The following ITGBL1 variants were observed in gnomAD, a reference collection of about 807,000 sequenced individuals.
The protein encoded by ITGBL1 is integrin beta-like protein 1.
A neutral mutation model predicts 68.5 loss-of-function variants in ITGBL1; 51 were observed. The ratio of observed to expected loss-of-function variants is 0.74; its 90% CI spans 0.59 to 0.94. The LOEUF is 0.94. ITGBL1 is among the 40% of genes least tolerant of loss of function. The pLI, the probability that ITGBL1 is intolerant of heterozygous loss-of-function variation, is 0.00. For missense variants in ITGBL1, 649 were observed against 647.4 expected (o/e 1.00, Z -0.03); for synonymous variants, 209 against 227.3 (o/e 0.92, Z 0.72).
chr13:101,714,642 C>A, intron 10 of ITGBL1, 91 bp downstream of exon 10: 2 of 785,710 alleles, frequency 2.5e-6, no homozygotes, highest in Non-Finnish European at 4.5e-6. Context: ...GTGGCTGGAC[C>A]AACAGGGCCA....
At chr13:101,653,193 A>G (rs114804111) in intron 7 of ITGBL1, among the ~76,000 whole-genome samples, 2,962 of 150,306 alleles carry the variant, frequency 0.02, 98 homozygotes, top group African/African-American at 0.068. Flanking sequence ...GAGGAGGAGG[A>G]GGAGGGGAGG....
intron 2 of ITGBL1, among the ~76,000 whole-genome samples, chr13:101,547,921 A>G (rs904835508): frequency 1.3e-4 from 20 of 149,496 alleles, no homozygotes; most frequent in African/African-American, 2.0e-4. Flanking sequence ...ATATATATAT[A>G]TGTGTATATA....
intron 7 of ITGBL1, among the ~76,000 whole-genome samples, chr13:101,621,465 T>C (rs1306903851): frequency 6.6e-6 from 1 of 152,130 alleles, no homozygotes; most frequent in Non-Finnish European, 1.5e-5. Context: ...AGCTCAACTT[T>C]TATTATAGAA....
chr13:101,604,887 T>TATATACACACATACATACAC, intron 7 of ITGBL1, among the ~76,000 whole-genome samples: 2 of 22,164 alleles, frequency 9.0e-5, no homozygotes, highest in African/African-American at 3.0e-4. Flanking sequence ...TATATATATA[T>TATATACACACATACATACAC]ACACACACAC....
At chr13:101,564,163 A>G (rs968001953) in intron 2 of ITGBL1, among the ~76,000 whole-genome samples, 1 of 151,980 alleles carries the variant, frequency 6.6e-6, no homozygotes, top group Non-Finnish European at 1.5e-5. Context: ...TATATAGAAA[A>G]TCAAAGGAAC....
rs562499514 is a variant in ITGBL1 at position 101,545,974 on chromosome 13, A to G, written c.317-21725A>G. Among the ~76,000 whole-genome samples the G allele has an allele frequency of 6.6e-5, 10 of 152,344 alleles. No individual in the cohort carries two copies. The South Asian group carries it at 2.1e-3, about 32-fold the overall frequency. On this transcript the variant is annotated intron_variant, in intron 2 of 10. Transcript: ENST00000376180. ...GAATAATTTTTTAAAATAATCATACAATGAACTATATCAAGGTGAAAAAGA... is the reference window on the plus strand; with the variant it reads ...GAATAATTTTTTAAAATAATCATACGATGAACTATATCAAGGTGAAAAAGA...
At chr13:101,693,570 T>G (rs2033929605) in intron 8 of ITGBL1, among the ~76,000 whole-genome samples, 1 of 151,658 alleles carries the variant, frequency 6.6e-6, no homozygotes, top group Non-Finnish European at 1.5e-5. Context: ...GGTAGTAGAG[T>G]GTGTGTCTTA....
Position 101,569,128 on chromosome 13 carries a change from G to A in ITGBL1, c.463+1283G>A, listed in dbSNP as rs553362163. Among the ~76,000 whole-genome samples, 19 of 147,632 alleles carry A rather than the reference G, an allele frequency of 1.3e-4. No homozygotes were observed. The Middle Eastern group carries it at 0.018, about 137-fold the overall frequency. On this transcript the variant is annotated intron_variant, in intron 3 of 10. Transcript: ENST00000376180. ...TCCATACACACACACACACGCGCAC[G>A]CGCGCGCATGCCCCATAGCGTCTTT...
intron 2 of ITGBL1, among the ~76,000 whole-genome samples, chr13:101,522,532 G>A (rs567469110): frequency 1.3e-5 from 2 of 152,272 alleles, no homozygotes; most frequent in South Asian, 4.1e-4. Context: ...AGATAAACAT[G>A]AACTGCTTTG....
chr13:101,602,319 C>G (rs2030433804), intron 7 of ITGBL1, among the ~76,000 whole-genome samples: 1 of 151,984 alleles, frequency 6.6e-6, no homozygotes, highest in African/African-American at 2.4e-5. Context: ...TTCTTGGTAT[C>G]AGATCAGTAC....
intron 8 of ITGBL1, among the ~76,000 whole-genome samples, chr13:101,695,733 G>C (rs2033986731): frequency 6.6e-6 from 1 of 152,186 alleles, no homozygotes; most frequent in African/African-American, 2.4e-5. Context: ...CCTTCACCCT[G>C]CTGCAAGAGA....
At position 101,683,801 on chromosome 13, in the gene ITGBL1, G is replaced by A. The variant is rs367893718; in HGVS notation, c.1016-8784G>A. Among the ~76,000 whole-genome samples, 18 of 152,004 alleles carry A rather than the reference G, an allele frequency of 1.2e-4. No homozygotes were observed. The East Asian group carries it at 3.5e-3, about 29-fold the overall frequency. On this transcript the variant is annotated intron_variant, in intron 7 of 10. Transcript: ENST00000376180. ...CAGAATCTTTTTGTGGTTTTAGTCT[G>A]CATTTCCCATGTGAATAAGAGGAGG... is the stretch of plus-strand genomic sequence containing the variant.
chr13:101,568,377 T>A (rs1008067081), intron 3 of ITGBL1, among the ~76,000 whole-genome samples: 3 of 152,180 alleles, frequency 2.0e-5, no homozygotes, highest in African/African-American at 7.2e-5. Flanking sequence ...ATTGTAGCAA[T>A]GCTGTTAAAA....
At chr13:101,567,237 A>G (rs977459973) in intron 2 of ITGBL1, among the ~76,000 whole-genome samples, 1 of 152,162 alleles carries the variant, frequency 6.6e-6, no homozygotes, top group Non-Finnish European at 1.5e-5. Flanking sequence ...AAATTTCATT[A>G]CATGCTTAAT....
chr13:101,594,386 A>C (rs1371696651), intron 6 of ITGBL1, among the ~76,000 whole-genome samples: 1 of 152,222 alleles, frequency 6.6e-6, no homozygotes, highest in African/African-American at 2.4e-5. Flanking sequence ...CACATGCAGA[A>C]GAAAGAAATT....
intron 6 of ITGBL1, among the ~76,000 whole-genome samples, chr13:101,588,089 A>G (rs1388474739): frequency 1.3e-5 from 2 of 152,222 alleles, no homozygotes; most frequent in Non-Finnish European, 2.9e-5. Flanking sequence ...AAAGAACACA[A>G]TAGTTACAAA....
intron 2 of ITGBL1, among the ~76,000 whole-genome samples, chr13:101,502,793 C>T (rs2048964205): frequency 6.6e-6 from 1 of 152,242 alleles, no homozygotes; most frequent in East Asian, 1.9e-4. Context: ...CCCTTTTCCC[C>T]TAAATTCTCA....
rs1169841246 is a variant in ITGBL1, at chr13:101,598,178, A to T, written c.894A>T (p.Arg298Ser). The T allele has an allele frequency of 6.2e-7, 1 of 1,613,428 alleles. No homozygotes were observed. The highest frequency in any genetic ancestry group is 8.5e-7 in the Non-Finnish European group (1 of 1,179,774). ...GTCATGGACAGTGTAATTGCGGAAG[A>T]TGTGACTGCAAAGCAGGCTGGTATG... ...CSGHGQCNCGRCDCKAGWYGK... is the reference protein window; with the variant it reads ...CSGHGQCNCGSCDCKAGWYGK... Residue 298 changes from arginine (R) to serine (S), a missense_variant, in exon 7 of 11, where the codon AGA becomes AGT. Physicochemically the swap from Arg to Ser is moderately radical, Grantham distance 110. Transcript: ENST00000376180.
chr13:101,551,230 T>C (rs2049915381), intron 2 of ITGBL1, among the ~76,000 whole-genome samples: 1 of 152,110 alleles, frequency 6.6e-6, no homozygotes, highest in Non-Finnish European at 1.5e-5. Context: ...CTTAGAGAAA[T>C]GTCAGTAGGA....
Sources: gnomAD v4.1 joint callset for allele counts (sites outside exome capture counted in the v4.1 genomes callset) on GRCh38, gnomAD v4.1.1 for gene constraint, MANE v1.5 for transcripts, NCBI Gene and HGNC (gene_info 2026-07-23, HGNC 2026-07-21) for gene names.